Variants in FRMD4A observed in about 807,000 individuals in gnomAD.
FRMD4A encodes the protein FERM domain-containing protein 4A.
In FRMD4A, 29 loss-of-function variants were observed where a neutral mutation model predicts 129.1. The ratio of observed to expected loss-of-function variants is 0.22; its 90% CI spans 0.17 to 0.31. The LOEUF is 0.31. Ranked by LOEUF, FRMD4A falls within the 10% of genes least tolerant of loss-of-function variation. FRMD4A has a pLI of 1.00. For missense variants in FRMD4A, 1,272 were observed against 1,375.8 expected, an observed-to-expected ratio of 0.92 and a Z score of 1.19; for synonymous variants, 634 against 571.6, an observed-to-expected ratio of 1.11 and a Z score of -1.56.
intron 2 of FRMD4A, among the ~76,000 whole-genome samples, chr10:14,084,583 C>T (rs963736802): frequency 6.6e-6 from 1 of 152,152 alleles, no homozygotes; most frequent in African/African-American, 2.4e-5. Context: ...TCCTAGAGAT[C>T]CCAAGCAACT....
Position 13,657,515 on chromosome 10 carries a change from C to A in FRMD4A, c.2074G>T (p.Asp692Tyr). The change falls in exon 22 of 25, where the codon GAC becomes TAC. Residue 692 changes from aspartate to tyrosine, a missense_variant. Asp to Tyr is a radical substitution (Grantham distance 160, BLOSUM62 -3). Around this residue, in one of 2 missense-constraint regions of FRMD4A, gnomAD observed 972 missense variants for 892.3 expected, o/e 1.09. Transcript: ENST00000357447. ...PHYVHSTRSV[D>Y]ISPTRLHSLA... The stretch of plus-strand genomic sequence containing the variant: ...CTGTGCAGTCGGGTGGGGCTGATGT[C>A]CACCGACCTGCCGGGAGACGACCCG... The A allele has an allele frequency of 6.3e-7, 1 of 1,584,938 alleles. No individual in the cohort carries two copies. Among genetic ancestry groups the A allele is most frequent in the Non-Finnish European group, 8.6e-7 (1 of 1,167,530 alleles).
chr10:13,739,648 C>T (rs547641563), intron 11 of FRMD4A, among the ~76,000 whole-genome samples: 8 of 152,162 alleles, frequency 5.3e-5, no homozygotes, highest in Non-Finnish European at 1.0e-4. Context: ...TCAGAGGCAG[C>T]CTTTCTGTTA....
chr10:14,060,018 T>C (rs1277442286), intron 2 of FRMD4A, among the ~76,000 whole-genome samples: 1 of 152,220 alleles, frequency 6.6e-6, no homozygotes, highest in Non-Finnish European at 1.5e-5. Flanking sequence ...AGAAGGATTC[T>C]AACTCATGCA....
chr10:14,038,709 T>TAA (rs1833621949), intron 2 of FRMD4A, among the ~76,000 whole-genome samples: 1 of 152,186 alleles, frequency 6.6e-6, no homozygotes, highest in Non-Finnish European at 1.5e-5. Context: ...TTCCATTGTG[T>TAA]ACGAAGATAT....
intron 17 of FRMD4A, among the ~76,000 whole-genome samples, chr10:13,666,604 T>G (rs2083057827): frequency 6.6e-6 from 1 of 152,234 alleles, no homozygotes. Flanking sequence ...TGGCTGTGTT[T>G]CGACTGTCTC....
intron 2 of FRMD4A, among the ~76,000 whole-genome samples, chr10:14,126,037 T>A (rs1838820604): frequency 6.6e-6 from 1 of 152,322 alleles, no homozygotes; most frequent in African/African-American, 2.4e-5. Context: ...TCCAGTGTTT[T>A]CTATCACAGT....
At chr10:13,828,787 C>G (rs1405695660) in intron 3 of FRMD4A, among the ~76,000 whole-genome samples, 2 of 152,160 alleles carry the variant, frequency 1.3e-5, no homozygotes, top group East Asian at 3.9e-4. Context: ...CCGCCTTGGC[C>G]TCGCAAAGTG....
chr10:13,863,706 G>A (rs2094324882), intron 2 of FRMD4A, among the ~76,000 whole-genome samples: 1 of 151,672 alleles, frequency 6.6e-6, no homozygotes, highest in Non-Finnish European at 1.5e-5. Flanking sequence ...TAGGCTTCTG[G>A]GTGGTTTACA....
At chr10:13,871,480 T>C (rs2094438635) in intron 2 of FRMD4A, among the ~76,000 whole-genome samples, 1 of 152,192 alleles carries the variant, frequency 6.6e-6, no homozygotes, top group African/African-American at 2.4e-5. Flanking sequence ...GCTACCCCAC[T>C]GGACAGATAC....
At chr10:14,141,150 G>T (rs964267381) in intron 2 of FRMD4A, among the ~76,000 whole-genome samples, 16 of 152,056 alleles carry the variant, frequency 1.1e-4, no homozygotes, top group Admixed American at 5.9e-4. Context: ...GTAGCAATCT[G>T]GTGCTTTATC....
intron 2 of FRMD4A, among the ~76,000 whole-genome samples, chr10:14,253,120 A>C (rs1232634762): frequency 1.3e-5 from 2 of 152,246 alleles, no homozygotes; most frequent in Non-Finnish European, 2.9e-5. Context: ...TTATGTCTAA[A>C]AGACACAGGT....
At chr10:14,205,061 C>T (rs67628303) in intron 2 of FRMD4A, among the ~76,000 whole-genome samples, 11 of 97,500 alleles carry the variant, frequency 1.1e-4, no homozygotes, top group African/African-American at 1.8e-4. Context: ...TCTTTTCTTT[C>T]TTTTTTTTTT....
chr10:13,803,018 G>A (rs985687586), intron 4 of FRMD4A, among the ~76,000 whole-genome samples: 6 of 152,058 alleles, frequency 3.9e-5, no homozygotes, highest in Non-Finnish European at 4.4e-5. Flanking sequence ...GTGTGGTGGC[G>A]GATGCCTGTA....
chr10:13,914,286 G>C (rs1271161653), intron 2 of FRMD4A, among the ~76,000 whole-genome samples: 1 of 152,096 alleles, frequency 6.6e-6, no homozygotes, highest in Non-Finnish European at 1.5e-5. Context: ...CTTCTAATGG[G>C]TAAAATAACC....
At chr10:14,008,119 A>T in intron 2 of FRMD4A, 5 of 1,300,936 alleles carry the variant, frequency 3.8e-6, no homozygotes, top group Non-Finnish European at 5.1e-6. Context: ...AGTCTTTGGG[A>T]TCTATTCGGA....
chr10:13,740,073 TG>T, intron 11 of FRMD4A, 120 bp downstream of exon 11: 2 of 712,090 alleles, frequency 2.8e-6, no homozygotes, highest in Non-Finnish European at 5.0e-6. Flanking sequence ...CACACCAGCC[TG>T]GGAGACAAAG....
At chr10:13,700,906 G>A (rs182833515) in intron 14 of FRMD4A, among the ~76,000 whole-genome samples, 1 of 145,500 alleles carries the variant, frequency 6.9e-6, no homozygotes, top group Non-Finnish European at 1.5e-5. Context: ...ACCGCCTGAG[G>A]GTTTTCACAG....
At position 13,990,033 on chromosome 10, in the gene FRMD4A, C is replaced by T. The variant is rs534167118; in HGVS notation, c.46-131121G>A. 2.6e-5 allele frequency among the ~76,000 whole-genome samples: 4 copies of T among 152,296 alleles called. No individual in the cohort carries two copies. The East Asian group carries it at 7.7e-4, about 29-fold the overall frequency. On this transcript the variant is annotated intron_variant, in intron 2 of 24. Coordinates refer to ENST00000357447, the MANE Select transcript of FRMD4A (RefSeq NM_018027.5). Reference sequence around the variant, plus strand: ...ATTTAGATTCGCTCTGGAGAGTTTTCTGAAGTCAGACTACCTGGGTTCAAA... The same window carrying T: ...ATTTAGATTCGCTCTGGAGAGTTTTTTGAAGTCAGACTACCTGGGTTCAAA...
At chr10:13,754,752 T>A (rs1331013152) in intron 8 of FRMD4A, among the ~76,000 whole-genome samples, 1 of 152,130 alleles carries the variant, frequency 6.6e-6, no homozygotes, top group Non-Finnish European at 1.5e-5. Flanking sequence ...AAAGTTTAGG[T>A]AGATATTAAA....
Sources: gnomAD v4.1 joint callset for allele counts (sites outside exome capture counted in the v4.1 genomes callset) on GRCh38, gnomAD v4.1.1 for gene constraint, gnomAD v4.1.1 regional missense constraint, MANE v1.5 for transcripts, NCBI Gene and HGNC (gene_info 2026-07-23, HGNC 2026-07-21) for gene names.